Variants in ADAM29 observed in about 807,000 individuals in gnomAD.
ADAM29 encodes the protein disintegrin and metalloproteinase domain-containing protein 29.
For synonymous variants in ADAM29, 367 were observed against 342.3 expected (o/e 1.07, Z -0.80); for missense variants, 969 against 1,001.8 (o/e 0.97, Z 0.44).
intron 4 of ADAM29, among the ~76,000 whole-genome samples, chr4:174,940,465 T>C (rs992828799): frequency 1.3e-5 from 2 of 152,180 alleles, no homozygotes; most frequent in African/African-American, 4.8e-5. Flanking sequence ...ACTACTTGTG[T>C]GAGTCAGAAT....
At chr4:174,974,133 A>G (rs1746618954) in intron 4 of ADAM29, among the ~76,000 whole-genome samples, 1 of 152,210 alleles carries the variant, frequency 6.6e-6, no homozygotes, top group Non-Finnish European at 1.5e-5. Flanking sequence ...CAAGTCTGAA[A>G]TGGCCACTGT....
chr4:174,930,847 A>G (rs1031173876), intron 2 of ADAM29, 139 bp from the exon 3 acceptor site: 6 of 152,166 alleles, frequency 3.9e-5, no homozygotes, highest in African/African-American at 1.4e-4. Context: ...CATGTACTTC[A>G]GAAAGCTGTG....
chr4:174,950,966 G>A (rs917361421), intron 4 of ADAM29, among the ~76,000 whole-genome samples: 2 of 150,726 alleles, frequency 1.3e-5, no homozygotes, highest in South Asian at 2.1e-4. Flanking sequence ...ATGATTGTAA[G>A]TAAGTTTCCT....
At chr4:174,933,553 T>C (rs1240763975) in intron 3 of ADAM29, among the ~76,000 whole-genome samples, 1 of 152,138 alleles carries the variant, frequency 6.6e-6, no homozygotes, top group East Asian at 1.9e-4. Context: ...AGGAGTTTGT[T>C]GTACAGAATA....
At chr4:174,970,523 A>G (rs1746413697) in intron 4 of ADAM29, among the ~76,000 whole-genome samples, 1 of 152,124 alleles carries the variant, frequency 6.6e-6, no homozygotes, top group South Asian at 2.1e-4. Flanking sequence ...GGAATGAGAA[A>G]CAGGTTTTTC....
At chr4:174,946,882 T>C (rs1370214213) in intron 4 of ADAM29, among the ~76,000 whole-genome samples, 1 of 152,146 alleles carries the variant, frequency 6.6e-6, no homozygotes, top group Admixed American at 6.5e-5. Flanking sequence ...CTGAGCTTTT[T>C]CTGGTTGGTA....
chr4:174,929,782 A>G (rs1228180213), intron 2 of ADAM29, among the ~76,000 whole-genome samples: 1 of 143,462 alleles, frequency 7.0e-6, no homozygotes, highest in Non-Finnish European at 1.5e-5. Flanking sequence ...GTTGAGACAG[A>G]CTCTCACTCT....
intron 3 of ADAM29, among the ~76,000 whole-genome samples, chr4:174,935,579 T>C (rs1560865926): frequency 6.6e-6 from 1 of 152,104 alleles, no homozygotes; most frequent in African/African-American, 2.4e-5. Context: ...GAGGCTTAGG[T>C]ATTTAGGAAG....
chr4:174,965,727 A>G (rs1374650188), intron 4 of ADAM29, among the ~76,000 whole-genome samples: 1 of 152,094 alleles, frequency 6.6e-6, no homozygotes, highest in Non-Finnish European at 1.5e-5. Context: ...TCTGTATTTC[A>G]GAGGAGGAGA....
chr4:174,947,387 A>G (rs1329545008), intron 4 of ADAM29, among the ~76,000 whole-genome samples: 1 of 152,152 alleles, frequency 6.6e-6, no homozygotes, highest in Non-Finnish European at 1.5e-5. Context: ...ATCTAGCACT[A>G]AAAACTTTTC....
chr4:174,958,729 TTTTTG>T (rs1004298270), intron 4 of ADAM29, among the ~76,000 whole-genome samples: 2 of 131,322 alleles, frequency 1.5e-5, no homozygotes, highest in Non-Finnish European at 3.4e-5. Flanking sequence ...TGTTCTACTT[TTTTTG>T]TTTTAATTAT....
intron 4 of ADAM29, among the ~76,000 whole-genome samples, chr4:174,974,828 G>T (rs1219123947): frequency 6.6e-6 from 1 of 152,114 alleles, no homozygotes; most frequent in Non-Finnish European, 1.5e-5. Context: ...TAAATATTGT[G>T]CCATAGAAAG....
chr4:174,951,699 AG>A (rs926985784), intron 4 of ADAM29, among the ~76,000 whole-genome samples: 13 of 152,166 alleles, frequency 8.5e-5, no homozygotes, highest in Non-Finnish European at 4.4e-5. Flanking sequence ...TGATTAGCTG[AG>A]GGGTTCTGAA....
At chr4:174,928,100 G>A (rs1013585597) in intron 2 of ADAM29, among the ~76,000 whole-genome samples, 4 of 151,976 alleles carry the variant, frequency 2.6e-5, no homozygotes, top group Non-Finnish European at 2.9e-5. Flanking sequence ...TGCTTAAAAC[G>A]TTTTCCCTAA....
chr4:174,954,918 A>G (rs1745410463), intron 4 of ADAM29, among the ~76,000 whole-genome samples: 6 of 152,196 alleles, frequency 3.9e-5, no homozygotes, highest in Admixed American at 3.3e-4. Flanking sequence ...AAACTTTTAA[A>G]GTAAAAATAA....
intron 2 of ADAM29, among the ~76,000 whole-genome samples, chr4:174,926,517 T>C (rs1271104616): frequency 6.6e-6 from 1 of 151,978 alleles, no homozygotes; most frequent in African/African-American, 2.4e-5. Context: ...TAAAACAATG[T>C]TAAAAACAAG....
chr4:174,953,828 G>A (rs1560879232), intron 4 of ADAM29, among the ~76,000 whole-genome samples: 1 of 152,034 alleles, frequency 6.6e-6, no homozygotes, highest in Non-Finnish European at 1.5e-5. Flanking sequence ...TCCTCCCTCA[G>A]CCTCCTGAGT....
chr4:174,977,818 C>T lies in ADAM29; in HGVS notation c.2293C>T (p.Pro765Ser). The change falls in exon 5 of 5, where the codon CCC becomes TCC. Residue 765 changes from proline to serine, a missense_variant. Transcript: ENST00000359240. The part of the protein sequence containing the change: ...MPSQSQPPVT[P>S]SQSQPRVMPS... ...TTCCCAGAGTCAACCTCCTGTGACA[C>T]CCTCCCAGAGTCAACCTCGGGTGAT... 2 of 1,586,950 alleles carry T rather than the reference C, an allele frequency of 1.3e-6. No homozygotes were observed. The highest frequency in any genetic ancestry group is 1.7e-6 in the Non-Finnish European group (2 of 1,162,446).
intron 4 of ADAM29, among the ~76,000 whole-genome samples, chr4:174,971,600 A>G (rs184776979): frequency 6.3e-4 from 96 of 152,232 alleles, no homozygotes; most frequent in African/African-American, 2.3e-3. Flanking sequence ...CTTTTATATG[A>G]CAAGTTACTT....
Sources: allele counts gnomAD v4.1 joint callset (sites outside exome capture counted in the v4.1 genomes callset), GRCh38; gene constraint gnomAD v4.1.1; transcripts MANE v1.5; gene names NCBI Gene and HGNC (gene_info 2026-07-23, HGNC 2026-07-21).